Variants in TENM2 observed in about 807,000 individuals in gnomAD.
The protein encoded by TENM2 is teneurin transmembrane protein 2.
TENM2 carries 52 observed loss-of-function variants against 245.2 expected under a neutral mutation model. The observed-to-expected ratio is 0.21, with a 90% CI of 0.17 to 0.27. The LOEUF (loss-of-function observed/expected upper bound fraction) is 0.27. TENM2 is among the 10% of genes least tolerant of loss of function. TENM2 has a pLI of 1.00. For missense variants in TENM2, 3,046 were observed against 3,666.8 expected, an observed-to-expected ratio of 0.83 and a Z score of 4.37; for synonymous variants, 1,363 against 1,438.9, an observed-to-expected ratio of 0.95 and a Z score of 1.19.
At chr5:167,483,304 T>C (rs1057393209) in intron 2 of TENM2, among the ~76,000 whole-genome samples, 3 of 152,164 alleles carry the variant, frequency 2.0e-5, no homozygotes, top group African/African-American at 7.2e-5. Context: ...AAAACTTCCC[T>C]CACCTTACTG....
chr5:167,317,200 A>G (rs1201256794), intron 1 of TENM2, among the ~76,000 whole-genome samples: 1 of 152,206 alleles, frequency 6.6e-6, no homozygotes, highest in Non-Finnish European at 1.5e-5. Flanking sequence ...ACTAGAAAGG[A>G]TCCCTTCAGT....
intron 2 of TENM2, among the ~76,000 whole-genome samples, chr5:167,761,807 C>G (rs966170526): frequency 1.8e-4 from 28 of 152,162 alleles, no homozygotes; most frequent in African/African-American, 6.8e-4. Context: ...GCTCTTGTGG[C>G]CTTGCCATTC....
the TENM2 span, among the ~76,000 whole-genome samples, chr5:167,076,576 A>C: frequency 1.3e-5 from 2 of 152,192 alleles, no homozygotes; most frequent in Non-Finnish European, 2.9e-5. Context: ...ATACAAGCTG[A>C]CATTTTCACT....
intron 5 of TENM2, among the ~76,000 whole-genome samples, chr5:168,024,433 C>T (rs1194227948): frequency 6.6e-6 from 1 of 152,152 alleles, no homozygotes; most frequent in Admixed American, 6.5e-5. Flanking sequence ...TAATAACTTT[C>T]CCTTTGCTCA....
Position 168,143,843 on chromosome 5 carries a change from C to CTTTTTT in TENM2, c.2422+16895_2422+16900dup, listed in dbSNP as rs70976464. Among the ~76,000 whole-genome samples, 87 of 102,688 alleles carry CTTTTTT rather than the reference C, an allele frequency of 8.5e-4. 1 individual carries two copies. Among genetic ancestry groups the CTTTTTT allele is most frequent in the African/African-American group, 1.5e-3 (39 of 26,280 alleles). 67.4% of individuals were successfully genotyped at this position (102,688 alleles called of 152,430 possible). The stretch of plus-strand genomic sequence containing the variant: ...AACTAGAAATTTGTCTACTACACTT[C>CTTTTTT]TTTTTTTTTTTTTTTTTTTTTTTGA... On this transcript the variant is annotated intron_variant, in intron 12 of 28. Transcript: ENST00000518659.
chr5:167,813,496 G>T (rs1298895873), intron 2 of TENM2, among the ~76,000 whole-genome samples: 2 of 152,024 alleles, frequency 1.3e-5, no homozygotes, highest in African/African-American at 4.8e-5. Context: ...GCAGGGAGAT[G>T]CATGTCTGTT....
At chr5:167,750,114 G>A (rs928423852) in intron 2 of TENM2, among the ~76,000 whole-genome samples, 10 of 152,098 alleles carry the variant, frequency 6.6e-5, no homozygotes, top group African/African-American at 2.2e-4. Context: ...GGCCCACCTC[G>A]AGGATTCTAA....
intron 2 of TENM2, among the ~76,000 whole-genome samples, chr5:167,388,375 T>C (rs191161611): frequency 7.3e-4 from 111 of 152,274 alleles, no homozygotes; most frequent in African/African-American, 2.5e-3. Flanking sequence ...TCATTTCTTA[T>C]TGAACTTATT....
At chr5:167,197,297 A>G in the TENM2 span, among the ~76,000 whole-genome samples, 1 of 152,084 alleles carries the variant, frequency 6.6e-6, no homozygotes, top group Non-Finnish European at 1.5e-5. Context: ...GCGTGCTGGA[A>G]GTCAGAAGTG....
At chr5:167,209,024 T>A in the TENM2 span, among the ~76,000 whole-genome samples, 3 of 152,222 alleles carry the variant, frequency 2.0e-5, no homozygotes, top group African/African-American at 7.2e-5. Flanking sequence ...GCTATCTTCC[T>A]TCATCTCAAC....
intron 9 of TENM2, among the ~76,000 whole-genome samples, chr5:168,115,354 A>AGGAAG (rs1288888709): frequency 2.8e-4 from 31 of 109,688 alleles, no homozygotes; most frequent in Admixed American, 8.7e-4. Context: ...AAAGGAGGGA[A>AGGAAG]GGAAGGGAAG....
At chr5:167,641,940 A>G (rs1042733984) in intron 2 of TENM2, among the ~76,000 whole-genome samples, 1 of 152,022 alleles carries the variant, frequency 6.6e-6, no homozygotes, top group Admixed American at 6.6e-5. Context: ...CAGGAGTTCG[A>G]GACCAGCCTG....
In TENM2 at chr5:167,421,097, C is replaced by T. The variant is rs560090265; in HGVS notation, c.502+45624C>T. On this transcript the variant is annotated intron_variant, in intron 2 of 28. Coordinates refer to ENST00000518659, the Ensembl canonical transcript of TENM2. ...TAAAATTGTAAAGGTGTTTTGAGGT[C>T]GTGGTTAAACAGTAATACGTCTATG... is the stretch of plus-strand genomic sequence containing the variant. 4.6e-5 allele frequency among the ~76,000 whole-genome samples: 7 copies of T among 152,196 alleles called. No homozygotes were observed. In the South Asian group the frequency reaches 6.2e-4, roughly 14 times the overall value.
At chr5:168,187,610 A>G (rs1015811435) in intron 13 of TENM2, 1 of 152,226 alleles carries the variant, frequency 6.6e-6, no homozygotes, top group African/African-American at 2.4e-5. Context: ...TTTAAATCTG[A>G]AACAGGCATT....
intron 2 of TENM2, among the ~76,000 whole-genome samples, chr5:167,571,790 T>G (rs555112711): frequency 3.2e-4 from 49 of 152,346 alleles, no homozygotes; most frequent in African/African-American, 1.0e-3. Context: ...TCCTTGTAAC[T>G]GGGTCTTTAT....
intron 3 of TENM2, among the ~76,000 whole-genome samples, chr5:167,921,653 C>T (rs946140696): frequency 2.0e-4 from 30 of 152,038 alleles, no homozygotes; most frequent in Non-Finnish European, 3.2e-4. Flanking sequence ...CTATGATAGA[C>T]GGGAAGCCAG....
the TENM2 span, among the ~76,000 whole-genome samples, chr5:167,044,861 C>T: frequency 6.6e-6 from 1 of 152,294 alleles, no homozygotes; most frequent in Admixed American, 6.5e-5. Context: ...TGTGCAGATA[C>T]TTATTGCAGC....
intron 2 of TENM2, among the ~76,000 whole-genome samples, chr5:167,587,167 C>G (rs951892261): frequency 1.3e-5 from 2 of 152,182 alleles, no homozygotes; most frequent in South Asian, 4.1e-4. Flanking sequence ...GTAACTCCAA[C>G]TCCCTTATCA....
intron 1 of TENM2, among the ~76,000 whole-genome samples, chr5:167,340,389 T>G (rs1758024670): frequency 6.6e-6 from 1 of 152,202 alleles, no homozygotes; most frequent in African/African-American, 2.4e-5. Flanking sequence ...CAAGAGAAAT[T>G]TATTTTTTAA....
Sources: gnomAD v4.1 joint callset for allele counts (sites outside exome capture counted in the v4.1 genomes callset) on GRCh38, gnomAD v4.1.1 for gene constraint, MANE v1.5 for transcripts, NCBI Gene and HGNC (gene_info 2026-07-23, HGNC 2026-07-21) for gene names.